The following HTR3C variants were observed in gnomAD, a reference collection of about 807,000 sequenced individuals.
The protein encoded by HTR3C is 5-hydroxytryptamine receptor 3C, also known as 5-HT3-C.
In HTR3C, 32 loss-of-function variants were observed where a neutral mutation model predicts 40.5. The ratio of observed to expected loss-of-function variants is 0.79; its 90% CI spans 0.60 to 1.06. The LOEUF is 1.06. Among genes scored for constraint, HTR3C ranks in the 50% least tolerant of loss-of-function variants. The pLI, the probability that HTR3C is intolerant of heterozygous loss-of-function variation, is 0.00. For missense variants in HTR3C, 523 were observed against 556.8 expected, an observed-to-expected ratio of 0.94 and a Z score of 0.61; for synonymous variants, 209 against 217.1, an observed-to-expected ratio of 0.96 and a Z score of 0.33.
At chr3:184,054,320 G>A (rs1723280452) in intron 1 of HTR3C, among the ~76,000 whole-genome samples, 1 of 152,170 alleles carries the variant, frequency 6.6e-6, no homozygotes, top group Non-Finnish European at 1.5e-5. Flanking sequence ...GAGTTAGAGA[G>A]AGAAATACAT....
At chr3:184,057,844 C>G (rs138382435) in intron 5 of HTR3C, among the ~76,000 whole-genome samples, 1 of 152,230 alleles carries the variant, frequency 6.6e-6, no homozygotes, top group Non-Finnish European at 1.5e-5. Flanking sequence ...GTGATGCTAA[C>G]GTGCAGACGG....
intron 3 of HTR3C, among the ~76,000 whole-genome samples, chr3:184,055,842 C>T (rs954504688): frequency 1.6e-5 from 2 of 126,534 alleles, no homozygotes; most frequent in Non-Finnish European, 3.1e-5. Flanking sequence ...CCATGGGGAC[C>T]CAAACCTCCC....
intron 6 of HTR3C, 108 bp from the exon 7 acceptor site, chr3:184,059,327 AG>A: frequency 1.1e-6 from 1 of 919,708 alleles, no homozygotes; most frequent in Non-Finnish European, 1.7e-6. Context: ...TTACTTAAAA[AG>A]ATCGTCCCCA....
At chr3:184,055,270 C>T (rs1257880126) in intron 2 of HTR3C, 42 bp from the exon 3 acceptor site, 1 of 1,457,628 alleles carries the variant, frequency 6.9e-7, no homozygotes, top group Admixed American at 1.7e-5. Flanking sequence ...ATTGGCCAAA[C>T]CTTTTAACAC....
chr3:184,057,730 G>A (rs534981310), intron 5 of HTR3C, among the ~76,000 whole-genome samples: 70 of 131,412 alleles, frequency 5.3e-4, no homozygotes, highest in African/African-American at 1.8e-3. Flanking sequence ...GCGAGACTCC[G>A]TCTCAAAACA....
At chr3:184,055,433 G>A (rs776223045) in intron 3 of HTR3C, 77 bp downstream of exon 3, 15 of 1,100,098 alleles carry the variant, frequency 1.4e-5, no homozygotes, top group Admixed American at 3.4e-5. Context: ...ACTTAAAGGG[G>A]CCAGAAGCAG....
intron 3 of HTR3C, 49 bp downstream of exon 3, chr3:184,055,405 C>T (rs1723303051): frequency 7.2e-7 from 1 of 1,392,108 alleles, no homozygotes; most frequent in African/African-American, 1.4e-5. Context: ...TAATTTTAAG[C>T]CTGAGGAGTT....
intron 1 of HTR3C, among the ~76,000 whole-genome samples, chr3:184,053,996 G>A (rs1343266586): frequency 1.3e-5 from 2 of 151,722 alleles, no homozygotes; most frequent in African/African-American, 2.4e-5. Flanking sequence ...CTTGTGATCC[G>A]CCCACCTCGG....
At chr3:184,055,884 CAAAAAAAA>C (rs71185686) in intron 3 of HTR3C, among the ~76,000 whole-genome samples, 16 of 30,710 alleles carry the variant, frequency 5.2e-4, no homozygotes, top group South Asian at 2.3e-3. Flanking sequence ...AATAGCAACT[CAAAAAAAA>C]AAAAAAAAAA....
At chr3:184,056,523 G>A (rs1256019719) in intron 4 of HTR3C, among the ~76,000 whole-genome samples, 1 of 152,134 alleles carries the variant, frequency 6.6e-6, no homozygotes, top group Non-Finnish European at 1.5e-5. Flanking sequence ...GAGGCAGGTG[G>A]ATCACCTGAG....
chr3:184,054,676 C>G (rs760722166), intron 1 of HTR3C, 45 bp from the exon 2 acceptor site: 2 of 1,477,666 alleles, frequency 1.4e-6, no homozygotes, highest in Non-Finnish European at 1.8e-6. Flanking sequence ...AGACTCCAGC[C>G]CTGGAAATAG....
intron 4 of HTR3C, among the ~76,000 whole-genome samples, chr3:184,056,620 C>T (rs1723332324): frequency 6.6e-6 from 1 of 152,102 alleles, no homozygotes; most frequent in Non-Finnish European, 1.5e-5. Context: ...GGTGGCACAT[C>T]CCTGTAAATC....
Position 184,059,423 on chromosome 3 carries a change from G to T in HTR3C, c.721-13G>T. The T allele has an allele frequency of 1.2e-6, 2 of 1,612,288 alleles. No homozygotes were observed. Among genetic ancestry groups the T allele is most frequent in the Non-Finnish European group, 1.7e-6 (2 of 1,178,496 alleles). ...CATCTATTTATTTGCCATCTTCTCCGGTCTCTCTCCAGGTGGCCATCAGGC... is the reference window on the plus strand; with the variant it reads ...CATCTATTTATTTGCCATCTTCTCCTGTCTCTCTCCAGGTGGCCATCAGGC... On this transcript the variant is annotated splice_polypyrimidine_tract_variant and intron_variant, in intron 6 of 8. Coordinates refer to ENST00000318351, the MANE Select transcript of HTR3C (RefSeq NM_130770.3).
In HTR3C at chr3:184,059,957, T is replaced by G. The variant is rs1723411536; in HGVS notation, c.1055T>G (p.Leu352Arg). Residue 352 changes from leucine (L) to arginine (R), a missense_variant, in exon 8 of 9, where the codon CTC becomes CGC. Leu to Arg is a moderately radical substitution (Grantham distance 102, BLOSUM62 -2). Coordinates refer to ENST00000318351, the MANE Select transcript of HTR3C (RefSeq NM_130770.3). ...PMPRWLHSLLLHCTSPGRCCP... is the reference protein window; with the variant it reads ...PMPRWLHSLLRHCTSPGRCCP... ...CCTAGGTGGCTTCACTCCCTGCTGC[T>G]CCACTGCACCAGCCCAGGGAGATGC... 1 of 1,613,716 alleles carries G rather than the reference T, an allele frequency of 6.2e-7. No individual in the cohort carries two copies. Among genetic ancestry groups the G allele is most frequent in the Non-Finnish European group, 8.5e-7 (1 of 1,179,990 alleles).
Position 184,056,931 on chromosome 3 carries a change from G to C in HTR3C, c.446G>C (p.Arg149Pro), listed in dbSNP as rs746324401. The C allele has an allele frequency of 2.5e-6, 4 of 1,613,738 alleles. No individual in the cohort carries two copies. The Admixed American group carries it at 6.7e-5, about 27-fold the overall frequency. The change falls in exon 5 of 9, where the codon CGA becomes CCA. Residue 149 changes from arginine (R) to proline (P), a missense_variant. Transcript: ENST00000318351. ...GLTAYISSEG[R>P]IKYDKPMRVT... ...ACTGCCTATATCAGCAGTGAAGGTCGAATTAAGTATGATAAGCCAATGAGG... is the reference window on the plus strand; with the variant it reads ...ACTGCCTATATCAGCAGTGAAGGTCCAATTAAGTATGATAAGCCAATGAGG...
At chr3:184,053,894 A>T (rs1247009710) in intron 1 of HTR3C, among the ~76,000 whole-genome samples, 2 of 152,198 alleles carry the variant, frequency 1.3e-5, no homozygotes, top group African/African-American at 2.4e-5. Context: ...AGTTGGGATT[A>T]CAGGCGAGCG....
At chr3:184,054,627 C>A in intron 1 of HTR3C, 94 bp from the exon 2 acceptor site, 1 of 1,101,734 alleles carries the variant, frequency 9.1e-7, no homozygotes, top group Non-Finnish European at 1.2e-6. Context: ...GGCTCACCTG[C>A]TCCTCTCAGT....
intron 7 of HTR3C, 59 bp from the exon 8 acceptor site, chr3:184,059,769 C>A (rs568459224): frequency 6.3e-6 from 10 of 1,597,430 alleles, no homozygotes; most frequent in South Asian, 5.5e-5. Flanking sequence ...AGGAAAGAGG[C>A]GTGAGGAATG....
intron 7 of HTR3C, 75 bp from the exon 8 acceptor site, chr3:184,059,753 G>A: frequency 6.3e-7 from 1 of 1,594,728 alleles, no homozygotes; most frequent in African/African-American, 1.3e-5. Flanking sequence ...AAAGAAGATT[G>A]GATTTAGGAA....
Sources: gnomAD v4.1 joint callset for allele counts (sites outside exome capture counted in the v4.1 genomes callset) on GRCh38, gnomAD v4.1.1 for gene constraint, MANE v1.5 for transcripts, NCBI Gene and HGNC (gene_info 2026-07-23, HGNC 2026-07-21) for gene names.